The following ZRANB1 variants were observed in gnomAD, a reference collection of about 807,000 sequenced individuals.
The protein encoded by ZRANB1 is ubiquitin thioesterase ZRANB1.
Under a neutral mutation model 80.5 loss-of-function variants are expected in ZRANB1, and 16 were observed. That is an observed-to-expected ratio of 0.20 (90% CI 0.13 to 0.30). ZRANB1 has a LOEUF of 0.30. Among genes scored for constraint, ZRANB1 ranks in the 10% least tolerant of loss-of-function variants. The probability of loss-of-function intolerance (pLI) is 1.00; values close to 1 mark genes in which losing one functional copy is unlikely to be tolerated. For synonymous variants in ZRANB1, 291 were observed against 293.1 expected, an observed-to-expected ratio of 0.99 and a Z score of 0.07; for missense variants, 576 against 862.6, an observed-to-expected ratio of 0.67 and a Z score of 4.16.
At chr10:124,982,974 T>TA (rs1376550092) in intron 6 of ZRANB1, among the ~76,000 whole-genome samples, 7 of 152,246 alleles carry the variant, frequency 4.6e-5, no homozygotes, top group African/African-American at 1.7e-4. Context: ...TGGTAAATGA[T>TA]ATTTGCATGT....
chr10:124,957,760 T>C (rs1951698590), intron 1 of ZRANB1, among the ~76,000 whole-genome samples: 1 of 151,842 alleles, frequency 6.6e-6, no homozygotes, highest in Non-Finnish European at 1.5e-5. Context: ...GAAGTTTCGC[T>C]CTGTTGCCCA....
At chr10:124,926,086 T>C in the ZRANB1 span, among the ~76,000 whole-genome samples, 31 of 152,290 alleles carry the variant, frequency 2.0e-4, no homozygotes, top group Non-Finnish European at 3.7e-4. Context: ...AGTAGAAATA[T>C]GGTGTAAAAG....
chr10:124,974,875 G>A (rs1951862435), intron 5 of ZRANB1, among the ~76,000 whole-genome samples: 2 of 152,192 alleles, frequency 1.3e-5, no homozygotes, highest in Admixed American at 6.5e-5. Flanking sequence ...TTGGCCCACT[G>A]CATCCTCCAC....
intron 3 of ZRANB1, among the ~76,000 whole-genome samples, chr10:124,972,635 A>G (rs1477759861): frequency 6.6e-6 from 1 of 152,160 alleles, no homozygotes; most frequent in East Asian, 1.9e-4. Context: ...TTGTGAAGGA[A>G]CTTTTCATTT....
chr10:124,918,925 C>T, the ZRANB1 span, among the ~76,000 whole-genome samples: 9 of 152,042 alleles, frequency 5.9e-5, no homozygotes, highest in Non-Finnish European at 1.2e-4. Flanking sequence ...ATCTGAGTGT[C>T]ATGAGGGATT....
Position 124,987,291 on chromosome 10 carries a change from T to TTGA in ZRANB1, c.*2302_*2304dup, listed in dbSNP as rs1473212016. 1.3e-5 allele frequency: 2 copies of TTGA among 152,512 alleles called. No individual in the cohort carries two copies. The highest frequency in any genetic ancestry group is 6.5e-5 in the Admixed American group (1 of 15,272). 9.4% of individuals were successfully genotyped at this position (152,512 alleles called of 1,614,324 possible). ...TAAGTCATACCTGCACTCTGTGGAC[T>TTGA]TGATGGTTCTTTTTCTAGAGCAAAC... On this transcript the variant is annotated 3_prime_UTR_variant, in exon 9 of 9. Coordinates refer to ENST00000359653, the MANE Select transcript of ZRANB1 (RefSeq NM_017580.3).
At chr10:124,964,220 T>A (rs1951759600) in intron 1 of ZRANB1, among the ~76,000 whole-genome samples, 1 of 152,250 alleles carries the variant, frequency 6.6e-6, no homozygotes, top group African/African-American at 2.4e-5. Context: ...TCTGGTTATA[T>A]TTTTAAAAAG....
rs1424105554 is a variant in ZRANB1, at chr10:124,987,073, A to C, written c.*2081A>C. 6.6e-6 allele frequency: 1 copy of C among 152,624 alleles called. No individual in the cohort carries two copies. Among genetic ancestry groups the C allele is most frequent in the Non-Finnish European group, 1.5e-5 (1 of 68,036 alleles). 9.5% of individuals were successfully genotyped at this position (152,624 alleles called of 1,614,324 possible). Reference sequence around the variant, plus strand: ...AAGATGGTTCCATTTCCTAGGCTACAGACAGGAATGGGGCTCTAAATGGTT... The same window carrying C: ...AAGATGGTTCCATTTCCTAGGCTACCGACAGGAATGGGGCTCTAAATGGTT... On this transcript the variant is annotated 3_prime_UTR_variant, in exon 9 of 9. Coordinates refer to ENST00000359653, the MANE Select transcript of ZRANB1 (RefSeq NM_017580.3).
chr10:124,920,236 A>G, the ZRANB1 span, among the ~76,000 whole-genome samples: 1 of 152,152 alleles, frequency 6.6e-6, no homozygotes, highest in Non-Finnish European at 1.5e-5. Flanking sequence ...GATTTGGTTC[A>G]GTTTTATTAT....
At chr10:124,916,930 T>G in the ZRANB1 span, among the ~76,000 whole-genome samples, 1 of 151,188 alleles carries the variant, frequency 6.6e-6, no homozygotes, top group South Asian at 2.1e-4. Context: ...GCCATTAGGG[T>G]CCGCAGCGCC....
At chr10:124,917,262 G>A in the ZRANB1 span, 1 of 154,878 alleles carries the variant, frequency 6.5e-6, no homozygotes, top group Non-Finnish European at 1.4e-5. Flanking sequence ...AGGAGGAGCC[G>A]CCGCCGCCAG....
At chr10:124,956,317 G>T (rs924036763) in intron 1 of ZRANB1, among the ~76,000 whole-genome samples, 1 of 151,992 alleles carries the variant, frequency 6.6e-6, no homozygotes. Flanking sequence ...ACTTTAAAAA[G>T]TTGCGTTAAA....
rs1466862163 is a variant in ZRANB1, at chr10:124,983,824, AGCTATAC to A, written c.1908+137_1908+143del. The A allele has an allele frequency of 1.5e-6, 1 of 672,034 alleles. No homozygotes were observed. Among genetic ancestry groups the A allele is most frequent in the African/African-American group, 1.8e-5 (1 of 55,176 alleles). The allele number at this position is 672,034 out of a possible 1,614,324, so 41.6% of individuals were successfully genotyped here. A position where few individuals can be genotyped will look rare whatever the true frequency, so the allele number is the denominator to read the frequency against. On this transcript the variant is annotated intron_variant, in intron 8 of 8. Transcript: ENST00000359653. The surrounding 1 kb of genome is among the most constrained non-coding windows in gnomAD (Gnocchi z 6.2). Reference sequence around the variant, plus strand: ...GATGGTAGTAATTGCTGAAGGTACTAGCTATACTTTGAAATTTACCTTTTCAAAACTG... The same window carrying A: ...GATGGTAGTAATTGCTGAAGGTACTATTTGAAATTTACCTTTTCAAAACTG...
chr10:124,965,369 G>C (rs1951768071), intron 1 of ZRANB1, among the ~76,000 whole-genome samples: 1 of 152,190 alleles, frequency 6.6e-6, no homozygotes, highest in Admixed American at 6.5e-5. Context: ...GAAATTTGCA[G>C]AAAGGACTGT....
chr10:124,962,652 C>G (rs1263101097), intron 1 of ZRANB1, among the ~76,000 whole-genome samples: 2 of 151,926 alleles, frequency 1.3e-5, no homozygotes, highest in African/African-American at 4.8e-5. Context: ...AAACTGTACT[C>G]CTGGCCCAGC....
the ZRANB1 span, among the ~76,000 whole-genome samples, chr10:124,929,835 A>T: frequency 6.6e-6 from 1 of 151,444 alleles, no homozygotes. Flanking sequence ...AGTCCCAGCT[A>T]CTTAGGAGGC....
In ZRANB1 at chr10:124,984,920, C is replaced by T. The variant is rs1451818098; in HGVS notation, c.2055C>T (p.Asp685=). The T allele has an allele frequency of 4.3e-6, 7 of 1,613,822 alleles. No homozygotes were observed. Among genetic ancestry groups the T allele is most frequent in the Middle Eastern group, 1.6e-4 (1 of 6,062 alleles). Residue 685 remains aspartate, a synonymous_variant, in exon 9 of 9, where the codon GAC becomes GAT. Transcript: ENST00000359653. Reference sequence around the variant, plus strand: ...CTCAGATGGTAGAAAAATGGCTTGACCGCTACCGACAGATCCGGCCGTGTA... The same window carrying T: ...CTCAGATGGTAGAAAAATGGCTTGATCGCTACCGACAGATCCGGCCGTGTA... ...LVTQMVEKWL[D]RYRQIRPCTS...
intron 5 of ZRANB1, among the ~76,000 whole-genome samples, chr10:124,980,037 G>T (rs1176866101): frequency 6.6e-6 from 1 of 152,110 alleles, no homozygotes; most frequent in Admixed American, 6.5e-5. Context: ...TACATTTTAG[G>T]ATACAGCTTT....
intron 2 of ZRANB1, among the ~76,000 whole-genome samples, chr10:124,970,849 T>TTTG (rs1951819404): frequency 6.9e-6 from 1 of 145,782 alleles, no homozygotes; most frequent in Non-Finnish European, 1.5e-5. Flanking sequence ...TTTTTTTTTT[T>TTTG]TTTTTTTTGG....
Sources: allele counts gnomAD v4.1 joint callset (sites outside exome capture counted in the v4.1 genomes callset), GRCh38; gene constraint gnomAD v4.1.1; non-coding constraint Gnocchi (gnomAD v3.1); transcripts MANE v1.5; gene names NCBI Gene and HGNC (gene_info 2026-07-23, HGNC 2026-07-21).